ADGRE3: variants seen among roughly 807,000 people sequenced by gnomAD.
ADGRE3 encodes adhesion G protein-coupled receptor E3.
ADGRE3 carries 88 observed loss-of-function variants against 80.1 expected under a neutral mutation model. The observed-to-expected ratio is 1.10, with a 90% CI of 0.93 to 1.31. The LOEUF (loss-of-function observed/expected upper bound fraction) is 1.31. ADGRE3 is among the 40% of genes most tolerant of loss of function. The pLI is 0.00. For synonymous variants in ADGRE3, 281 were observed against 294.8 expected, an observed-to-expected ratio of 0.95 and a Z score of 0.48; for missense variants, 715 against 776.5, an observed-to-expected ratio of 0.92 and a Z score of 0.94.
At chr19:14,602,014 G>C in the ADGRE3 span, among the ~76,000 whole-genome samples, 781 of 151,960 alleles carry the variant, frequency 5.1e-3, 6 homozygotes, top group African/African-American at 0.017. Flanking sequence ...GGATGGTCTC[G>C]ATCTCCTGAC....
chr19:14,621,820 C>A, intron 15 of ADGRE3: 2 of 1,041,702 alleles, frequency 1.9e-6, no homozygotes, highest in Non-Finnish European at 2.7e-6. Context: ...TTCCAGCAAC[C>A]ACACCAGCTA....
At chr19:14,648,087 C>CAAA (rs60371636) in intron 7 of ADGRE3, among the ~76,000 whole-genome samples, 1,609 of 108,318 alleles carry the variant, frequency 0.015, 78 homozygotes, top group East Asian at 0.087. Flanking sequence ...ATCTCAAAGA[C>CAAA]AAAAAAAAAA....
At chr19:14,627,350 A>G (rs932556777) in intron 14 of ADGRE3, among the ~76,000 whole-genome samples, 1 of 152,222 alleles carries the variant, frequency 6.6e-6, no homozygotes, top group South Asian at 2.1e-4. Flanking sequence ...TACTCGTTAT[A>G]TAAACAAAAT....
chr19:14,611,371 CTTT>C, the ADGRE3 span, among the ~76,000 whole-genome samples: 47 of 75,960 alleles, frequency 6.2e-4, no homozygotes, highest in African/African-American at 1.8e-3. Context: ...AACTTCTATC[CTTT>C]TTTTTTTTTT....
rs1045691892 is a variant in ADGRE3 at position 14,643,817 on chromosome 19, C to A, written c.1050+291G>T. On this transcript the variant is annotated intron_variant, in intron 9 of 15. Coordinates refer to ENST00000253673, the MANE Select transcript of ADGRE3 (RefSeq NM_032571.5). ...CCTCTGCCTCCCAGGTTCAAGCCAT[C>A]CTCTTGTCTCAGCCTCCTGAGTAGC... Among the ~76,000 whole-genome samples the A allele has an allele frequency of 2.6e-5, 4 of 151,746 alleles. No individual in the cohort carries two copies. In the South Asian group the frequency reaches 6.2e-4, roughly 24 times the overall value.
chr19:14,607,056 C>A, the ADGRE3 span: 1 of 1,354,954 alleles, frequency 7.4e-7, no homozygotes, highest in South Asian at 1.8e-5. Context: ...TGACAGGGCC[C>A]AGGAAGGGGA....
At chr19:14,650,440 A>C (rs1324882296) in intron 7 of ADGRE3, among the ~76,000 whole-genome samples, 35 of 107,770 alleles carry the variant, frequency 3.2e-4, no homozygotes, top group African/African-American at 4.5e-4. Flanking sequence ...CGCTCTCCCC[A>C]TCTCTCTCTT....
At chr19:14,640,198 A>G (rs979072279) in intron 10 of ADGRE3, among the ~76,000 whole-genome samples, 3 of 152,154 alleles carry the variant, frequency 2.0e-5, no homozygotes, top group African/African-American at 7.2e-5. Flanking sequence ...GTATTCCAGG[A>G]CATTAGTTTA....
intron 11 of ADGRE3, among the ~76,000 whole-genome samples, chr19:14,636,012 T>TCTTCCTTCCTTC (rs1169075414): frequency 9.1e-5 from 9 of 99,326 alleles, no homozygotes; most frequent in African/African-American, 2.7e-4. Context: ...TCTCTTTCTT[T>TCTTCCTTCCTTC]CTTCCTTCCT....
In ADGRE3 at chr19:14,636,081, C is replaced by CTTTCTTTTTCTTTCTTTCTTT. The variant is rs1555755785; in HGVS notation, c.1484+2023_1484+2024insAAAGAAAGAAAGAAAAAGAAA. ...CCTTCCTTTCCTTTCCTTTCCTTTC[C>CTTTCTTTTTCTTTCTTTCTTT]CTTTCTTTCTTTCTTTCTTTCTTTC... is the stretch of plus-strand genomic sequence containing the variant. On this transcript the variant is annotated intron_variant, in intron 11 of 15. Transcript: ENST00000253673. Among the ~76,000 whole-genome samples the CTTTCTTTTTCTTTCTTTCTTT allele has an allele frequency of 2.8e-4, 7 of 24,606 alleles. 1 individual carries two copies. The highest frequency in any genetic ancestry group is 2.9e-3 in the East Asian group (2 of 680). 16.1% of individuals were successfully genotyped at this position (24,606 alleles called of 152,430 possible).
the ADGRE3 span, among the ~76,000 whole-genome samples, chr19:14,611,371 C>CTTTTTTT: frequency 1.7e-3 from 130 of 75,944 alleles, 1 homozygote; most frequent in African/African-American, 5.6e-3. Flanking sequence ...AACTTCTATC[C>CTTTTTTT]TTTTTTTTTT....
chr19:14,636,801 C>T (rs1172802910), intron 11 of ADGRE3, among the ~76,000 whole-genome samples: 1 of 152,016 alleles, frequency 6.6e-6, no homozygotes, highest in Non-Finnish European at 1.5e-5. Flanking sequence ...TATTATAAAA[C>T]ATGAAGTTTC....
chr19:14,644,380 G>A lies in ADGRE3; in HGVS notation c.883-105C>T, dbSNP rs147093321. 1.8e-3 allele frequency: 1,411 copies of A among 776,710 alleles called. 9 individuals are homozygous for A. The African/African-American group carries it at 0.023, about 13-fold the overall frequency. 48.1% of individuals were successfully genotyped at this position (776,710 alleles called of 1,614,324 possible). On this transcript the variant is annotated intron_variant, in intron 8 of 15. Transcript: ENST00000253673. ...TTGTTACTCAGGCTGGAGTGCAGTG[G>A]CTCAATCTCGGCTCACTGCAACCTC...
At chr19:14,609,667 G>A in the ADGRE3 span, among the ~76,000 whole-genome samples, 36 of 151,692 alleles carry the variant, frequency 2.4e-4, no homozygotes, top group African/African-American at 7.0e-4. Context: ...GTGAAACCCC[G>A]TCTCTACTAA....
the ADGRE3 span, among the ~76,000 whole-genome samples, chr19:14,612,793 C>T: frequency 6.6e-6 from 1 of 152,086 alleles, no homozygotes; most frequent in African/African-American, 2.4e-5. Context: ...CCTGCCCTGG[C>T]CATGTGACAA....
intron 10 of ADGRE3, among the ~76,000 whole-genome samples, chr19:14,639,383 A>G (rs1209139320): frequency 1.3e-5 from 2 of 152,032 alleles, no homozygotes; most frequent in South Asian, 2.1e-4. Context: ...TCACTTTAGC[A>G]TAAGAGATTA....
At chr19:14,617,388 T>TTCTTTCTA (rs2075088053), downstream of ADGRE3, among the ~76,000 whole-genome samples, 15 of 135,072 alleles carry the variant, frequency 1.1e-4, no homozygotes. Context: ...CTTTCTTTCT[T>TTCTTTCTA]TCTTTCTTTC....
intron 2 of ADGRE3, among the ~76,000 whole-genome samples, chr19:14,668,172 A>T (rs1331446755): frequency 6.6e-6 from 1 of 151,904 alleles, no homozygotes; most frequent in Non-Finnish European, 1.5e-5. Context: ...ATTCGTTTGA[A>T]CCCAGGACGT....
At position 14,647,313 on chromosome 19, in the gene ADGRE3, A is replaced by T. The variant is rs768312197; in HGVS notation, c.750T>A (p.Asn250Lys). 4 of 1,612,990 alleles carry T rather than the reference A, an allele frequency of 2.5e-6. No individual in the cohort carries two copies. Among genetic ancestry groups the T allele is most frequent in the Non-Finnish European group, 3.4e-6 (4 of 1,179,210 alleles). The change falls in exon 8 of 16, where the codon AAT becomes AAA. Residue 250 changes from asparagine to lysine, a missense_variant. Physicochemically the swap from Asn to Lys is moderately conservative, Grantham distance 94. Transcript: ENST00000253673. ...TATCCATCTCTTCAAAAAAAGTTGC[A>T]TTTATGATGTTTCCAAGAGAAGAAT... is the stretch of plus-strand genomic sequence containing the variant. ...ISYSSLGNII[N>K]ATFFEEMDKK...
Sources: gnomAD v4.1 joint callset for allele counts (sites outside exome capture counted in the v4.1 genomes callset) on GRCh38, gnomAD v4.1.1 for gene constraint, MANE v1.5 for transcripts, NCBI Gene and HGNC (gene_info 2026-07-23, HGNC 2026-07-21) for gene names.